Variants in KLHL28 observed in about 807,000 individuals in gnomAD.
KLHL28 encodes kelch like family member 28, also known as kelch-like protein 28.
A neutral mutation model predicts 48.3 loss-of-function variants in KLHL28; 22 were observed. The ratio of observed to expected loss-of-function variants is 0.46; its 90% CI spans 0.33 to 0.65. The LOEUF (loss-of-function observed/expected upper bound fraction) is 0.65, where lower values mean the gene tolerates loss of function less well. KLHL28 is among the 30% of genes least tolerant of loss of function. KLHL28 has a pLI of 0.03. For synonymous variants in KLHL28, 243 were observed against 242.4 expected (o/e 1.00, Z -0.02); for missense variants, 527 against 704.3 (o/e 0.75, Z 2.85).
chr14:44,930,086 A>C (rs141601576), intron 4 of KLHL28, among the ~76,000 whole-genome samples: 2 of 152,198 alleles, frequency 1.3e-5, no homozygotes, highest in African/African-American at 4.8e-5. Context: ...GAAACAGTTT[A>C]CTCCAATTTT....
rs181090514 is a variant in KLHL28 at position 44,953,247 on chromosome 14, G to A, written c.1-7319C>T. On this transcript the variant is annotated intron_variant, in intron 1 of 4. Coordinates refer to ENST00000396128, the MANE Select transcript of KLHL28 (RefSeq NM_017658.5). Reference sequence around the variant, plus strand: ...TGTTGAGATAACGGAATAGCCATATGGAAACAGGTAAAACTAGATTTCTGC... The same window carrying A: ...TGTTGAGATAACGGAATAGCCATATAGAAACAGGTAAAACTAGATTTCTGC... Among the ~76,000 whole-genome samples, 11 of 152,266 alleles carry A rather than the reference G, an allele frequency of 7.2e-5. No homozygotes were observed. The East Asian group carries it at 2.1e-3, about 29-fold the overall frequency.
chr14:44,957,428 A>T (rs1000757424), intron 1 of KLHL28, among the ~76,000 whole-genome samples: 1 of 152,236 alleles, frequency 6.6e-6, no homozygotes, highest in African/African-American at 2.4e-5. Flanking sequence ...AGTAAAAAAC[A>T]TTACTGGGAC....
In KLHL28 at chr14:44,945,605, G is replaced by A. The variant is rs756246324; in HGVS notation, c.324C>T (p.Leu108=). ...TCTGGAGTAGGTTTGCTGCTGGCAGGAGAGATTCAACTGTGTCCTGAGAAA... is the reference window on the plus strand; with the variant it reads ...TCTGGAGTAGGTTTGCTGCTGGCAGAAGAGATTCAACTGTGTCCTGAGAAA... ...VFISQDTVES[L]LPAANLLQIK... is the part of the protein sequence containing the mutation. Residue 108 remains leucine (L), a synonymous_variant, in exon 2 of 5, where the codon CTC becomes CTT. Coordinates refer to ENST00000396128, the MANE Select transcript of KLHL28 (RefSeq NM_017658.5). 1 of 1,614,132 alleles carries A rather than the reference G, an allele frequency of 6.2e-7. No homozygotes were observed. Among genetic ancestry groups the A allele is most frequent in the Admixed American group, 1.7e-5 (1 of 60,012 alleles).
At position 44,934,493 on chromosome 14, in the gene KLHL28, T is replaced by C; in HGVS notation, c.965A>G (p.Tyr322Cys). The C allele has an allele frequency of 1.2e-6, 2 of 1,613,650 alleles. No individual in the cohort carries two copies. The highest frequency in any genetic ancestry group is 1.7e-6 in the Non-Finnish European group (2 of 1,179,782). Residue 322 changes from tyrosine to cysteine, a missense_variant, in exon 3 of 5, where the codon TAT (tyrosine) becomes TGT (cysteine). Transcript: ENST00000396128. ...IGLAPLNIPR[Y>C]EFGICVLDQK... ...GTCTAAAACGCATATTCCAAATTCA[T>C]AGCGAGGAATGTTTAGGGGTGCCAA...
At chr14:44,960,021 T>C (rs1302281638) in intron 1 of KLHL28, among the ~76,000 whole-genome samples, 1 of 152,208 alleles carries the variant, frequency 6.6e-6, no homozygotes, top group African/African-American at 2.4e-5. Flanking sequence ...GTGATGCTGA[T>C]GAAGTCCCAT....
In KLHL28 at chr14:44,926,341, C is replaced by T. The variant is rs926742708; in HGVS notation, c.*2687G>A. On this transcript the variant is annotated 3_prime_UTR_variant, in exon 5 of 5. Transcript: ENST00000396128. ...TACTACTACTGCCCAAGATATTTCA[C>T]ATTTAGTCTTCATCAAGATGAAATT... is the stretch of plus-strand genomic sequence containing the variant. The T allele has an allele frequency of 6.6e-6, 1 of 152,130 alleles. No individual in the cohort carries two copies. Among genetic ancestry groups the T allele is most frequent in the African/African-American group, 2.4e-5 (1 of 41,432 alleles). 9.4% of individuals were successfully genotyped at this position (152,130 alleles called of 1,614,324 possible).
At chr14:44,931,928 A>C (rs774206099) in intron 3 of KLHL28, among the ~76,000 whole-genome samples, 4 of 152,114 alleles carry the variant, frequency 2.6e-5, no homozygotes, top group Non-Finnish European at 5.9e-5. Context: ...GGATAGTGCA[A>C]CCTGAAGGGA....
intron 1 of KLHL28, among the ~76,000 whole-genome samples, chr14:44,958,662 A>G (rs1884903614): frequency 6.6e-6 from 1 of 152,246 alleles, no homozygotes; most frequent in Admixed American, 6.5e-5. Flanking sequence ...AAGAGCTCTT[A>G]CTGGATGTGG....
At chr14:44,941,921 T>C in intron 2 of KLHL28, among the ~76,000 whole-genome samples, 1 of 152,170 alleles carries the variant, frequency 6.6e-6, no homozygotes, top group East Asian at 1.9e-4. Context: ...CTATATTTTC[T>C]CACCAGGCAA....
chr14:44,959,567 C>G (rs1260248229), intron 1 of KLHL28: 1 of 152,032 alleles, frequency 6.6e-6, no homozygotes, highest in Non-Finnish European at 1.5e-5. Context: ...GCCCAGGGAA[C>G]TAATGTGTTA....
At chr14:44,952,868 G>A (rs761762101) in intron 1 of KLHL28, among the ~76,000 whole-genome samples, 1 of 150,414 alleles carries the variant, frequency 6.6e-6, no homozygotes, top group Non-Finnish European at 1.5e-5. Context: ...ATTTACCTCA[G>A]TAACCACTTT....
At chr14:44,929,276 T>C (rs1883486869) in intron 4 of KLHL28, 85 bp from the exon 5 acceptor site, 1 of 1,193,152 alleles carries the variant, frequency 8.4e-7, no homozygotes, top group African/African-American at 1.6e-5. Flanking sequence ...TGTATTTTAA[T>C]GTTTTATTAA....
intron 1 of KLHL28, among the ~76,000 whole-genome samples, chr14:44,947,763 T>C (rs1594579791): frequency 6.6e-6 from 1 of 152,342 alleles, no homozygotes; most frequent in East Asian, 1.9e-4. Context: ...TATTTCACAA[T>C]GAATTTTAAG....
chr14:44,951,313 T>C (rs1181051918), intron 1 of KLHL28, among the ~76,000 whole-genome samples: 2 of 152,330 alleles, frequency 1.3e-5, no homozygotes, highest in East Asian at 1.9e-4. Context: ...TCTCTCATAT[T>C]CCAGGAGAAT....
intron 1 of KLHL28, among the ~76,000 whole-genome samples, chr14:44,948,154 T>C (rs1273545153): frequency 6.6e-6 from 1 of 152,158 alleles, no homozygotes; most frequent in East Asian, 1.9e-4. Flanking sequence ...GGTAATGGGG[T>C]TAAGAAAGCA....
rs946041818 is a variant in KLHL28, at chr14:44,925,036, T to C, written c.*3992A>G. ...CAGTACATATCCAGCCATGGAATAA[T>C]TGTTATCTAATTAAATCATGTCTAA... On this transcript the variant is annotated 3_prime_UTR_variant, in exon 5 of 5. Coordinates refer to ENST00000396128, the MANE Select transcript of KLHL28 (RefSeq NM_017658.5). The C allele has an allele frequency of 5.9e-5, 9 of 152,704 alleles. No individual in the cohort carries two copies. The highest frequency in any genetic ancestry group is 5.8e-4 in the East Asian group (3 of 5,190). 9.5% of individuals were successfully genotyped at this position (152,704 alleles called of 1,614,324 possible).
rs1195476002 is a variant in KLHL28 at position 44,927,331 on chromosome 14, T to C, written c.*1697A>G. Reference sequence around the variant, plus strand: ...ATAGTATTCAAGAAATAAACATATATACTAACAAATGAACCTATGTTTTAT... The same window carrying C: ...ATAGTATTCAAGAAATAAACATATACACTAACAAATGAACCTATGTTTTAT... On this transcript the variant is annotated 3_prime_UTR_variant, in exon 5 of 5. Coordinates refer to ENST00000396128, the MANE Select transcript of KLHL28 (RefSeq NM_017658.5). The C allele has an allele frequency of 6.6e-6, 1 of 152,588 alleles. No individual in the cohort carries two copies. The highest frequency in any genetic ancestry group is 2.4e-5 in the African/African-American group (1 of 41,456). The allele number at this position is 152,588 out of a possible 1,614,324, so 9.5% of individuals were successfully genotyped here.
At chr14:44,935,761 G>A (rs1167445333) in intron 2 of KLHL28, among the ~76,000 whole-genome samples, 2 of 150,866 alleles carry the variant, frequency 1.3e-5, no homozygotes, top group Non-Finnish European at 3.0e-5. Flanking sequence ...GGGGACTTCA[G>A]AAGTATTGTT....
At chr14:44,955,387 C>G (rs1285931373) in intron 1 of KLHL28, among the ~76,000 whole-genome samples, 1 of 152,146 alleles carries the variant, frequency 6.6e-6, no homozygotes, top group African/African-American at 2.4e-5. Flanking sequence ...GCAAAGAACA[C>G]TTCTAGCATT....
Sources: allele counts gnomAD v4.1 joint callset (sites outside exome capture counted in the v4.1 genomes callset), GRCh38; gene constraint gnomAD v4.1.1; transcripts MANE v1.5; gene names NCBI Gene and HGNC (gene_info 2026-07-23, HGNC 2026-07-21).